The following PARN variants were observed in gnomAD, a reference collection of about 807,000 sequenced individuals.
PARN encodes poly(A)-specific ribonuclease PARN.
Under a neutral mutation model 102.8 loss-of-function variants are expected in PARN, and 71 were observed. The observed-to-expected ratio is 0.69, with a 90% CI of 0.57 to 0.84. The LOEUF is 0.84. Ranked by LOEUF, PARN falls within the 40% of genes least tolerant of loss-of-function variation. The probability of loss-of-function intolerance (pLI) is 0.00; values close to 1 mark genes in which losing one functional copy is unlikely to be tolerated. For synonymous variants in PARN, 261 were observed against 252.9 expected, an observed-to-expected ratio of 1.03 and a Z score of -0.30; for missense variants, 782 against 760.9, an observed-to-expected ratio of 1.03 and a Z score of -0.33.
At chr16:14,629,955 G>A (rs1038728926) in intron 1 of PARN, among the ~76,000 whole-genome samples, 152 bp downstream of exon 1, 1 of 152,246 alleles carries the variant, frequency 6.6e-6, no homozygotes, top group East Asian at 1.9e-4. Context: ...AGCCGGAAAA[G>A]ACCCCAAGAG....
At chr16:14,561,171 A>G (rs535408391) in intron 18 of PARN, among the ~76,000 whole-genome samples, 7 of 152,140 alleles carry the variant, frequency 4.6e-5, no homozygotes, top group Admixed American at 1.3e-4. Context: ...AAAAAAAAAA[A>G]AAAAGAAAAG....
At chr16:14,578,910 G>A (rs1274895195) in intron 18 of PARN, among the ~76,000 whole-genome samples, 2 of 152,050 alleles carry the variant, frequency 1.3e-5, no homozygotes, top group Non-Finnish European at 2.9e-5. Flanking sequence ...TTACTGTCTA[G>A]TTCTTTTCAA....
intron 3 of PARN, among the ~76,000 whole-genome samples, chr16:14,627,961 T>C (rs557416440): frequency 1.3e-5 from 2 of 152,084 alleles, no homozygotes; most frequent in East Asian, 1.9e-4. Context: ...AGAGCAGTGA[T>C]CACGCCACTG....
chr16:14,436,118 C>T lies in PARN; in HGVS notation c.*599G>A, dbSNP rs1210852734. The T allele has an allele frequency of 6.6e-6, 1 of 152,630 alleles. No homozygotes were observed. The highest frequency in any genetic ancestry group is 1.5e-5 in the Non-Finnish European group (1 of 68,392). The allele number at this position is 152,630 out of a possible 1,614,324, so 9.5% of individuals were successfully genotyped here. A position where few individuals can be genotyped will look rare whatever the true frequency, so the allele number is the denominator to read the frequency against. ...GAAAGGAACTCTACATAAATATGCC[C>T]AAAGGCCAGGGCATACGGCAAGCCC... is the stretch of plus-strand genomic sequence containing the variant. On this transcript the variant is annotated 3_prime_UTR_variant, in exon 24 of 24. Transcript: ENST00000437198.
At chr16:14,438,176 G>C (rs745312395) in intron 23 of PARN, among the ~76,000 whole-genome samples, 2 of 152,146 alleles carry the variant, frequency 1.3e-5, no homozygotes, top group Non-Finnish European at 2.9e-5. Flanking sequence ...CCTGCAGCTA[G>C]CCTGGCCTTC....
chr16:14,552,090 T>C lies in PARN; in HGVS notation c.1411A>G (p.Ile471Val), dbSNP rs781398276. 1.9e-6 allele frequency: 3 copies of C among 1,603,632 alleles called. No individual in the cohort carries two copies. Among genetic ancestry groups the C allele is most frequent in the Non-Finnish European group, 2.6e-6 (3 of 1,171,988 alleles). Residue 471 changes from isoleucine to valine, a missense_variant, in exon 21 of 24, where the codon ATT (isoleucine) becomes GTT (valine). Ile to Val is a conservative substitution (Grantham distance 29, BLOSUM62 3). Coordinates refer to ENST00000437198, the MANE Select transcript of PARN (RefSeq NM_002582.4). ...LYQLFSAFGN[I>V]QISWIDDTSA... ...GTGTCATCAATCCAGGATATCTGAA[T>C]GTTACCTGCAATCGCAAATTAAAAG...
intron 22 of PARN, among the ~76,000 whole-genome samples, chr16:14,447,367 C>A (rs1223216891): frequency 6.6e-6 from 1 of 152,138 alleles, no homozygotes; most frequent in Non-Finnish European, 1.5e-5. Flanking sequence ...AAAGTAGCCT[C>A]TATTTTGATA....
chr16:14,576,368 C>T (rs1279401543), intron 18 of PARN: 2 of 152,004 alleles, frequency 1.3e-5, no homozygotes, highest in African/African-American at 4.8e-5. Flanking sequence ...CTGAAGATAG[C>T]CAAAAAAGAG....
chr16:14,601,251 A>G (rs1371108425), intron 11 of PARN, among the ~76,000 whole-genome samples: 1 of 152,140 alleles, frequency 6.6e-6, no homozygotes, highest in Non-Finnish European at 1.5e-5. Flanking sequence ...TGGTCTAGCC[A>G]CACAATGGAA....
At chr16:14,577,736 C>T (rs566762383) in intron 18 of PARN, among the ~76,000 whole-genome samples, 11 of 152,100 alleles carry the variant, frequency 7.2e-5, no homozygotes, top group Admixed American at 2.6e-4. Flanking sequence ...GGCGCAATCT[C>T]GGCTCACTGC....
chr16:14,454,031 T>C (rs1961575996), intron 22 of PARN, among the ~76,000 whole-genome samples: 1 of 152,242 alleles, frequency 6.6e-6, no homozygotes, highest in South Asian at 2.1e-4. Flanking sequence ...CATTTGTATA[T>C]CTTTTTTGAA....
chr16:14,436,826 G>A (rs1960726437), intron 23 of PARN, 54 bp from the exon 24 acceptor site: 2 of 1,316,716 alleles, frequency 1.5e-6, no homozygotes, highest in Non-Finnish European at 2.1e-6. Context: ...GGCACCTTGA[G>A]GAGAGCATGA....
chr16:14,551,908 G>A, intron 21 of PARN, 113 bp downstream of exon 21: 1 of 618,564 alleles, frequency 1.6e-6, no homozygotes, highest in Non-Finnish European at 2.9e-6. Flanking sequence ...AAAAACAAAC[G>A]AGGCAGCAAT....
At chr16:14,578,821 A>G (rs1440191032) in intron 18 of PARN, among the ~76,000 whole-genome samples, 1 of 152,144 alleles carries the variant, frequency 6.6e-6, no homozygotes, top group East Asian at 1.9e-4. Flanking sequence ...CTCCTATTCA[A>G]CTACTCTTGG....
chr16:14,488,763 C>T lies in PARN; in HGVS notation c.1481-5936G>A, dbSNP rs192224014. Among the ~76,000 whole-genome samples the T allele has an allele frequency of 1.7e-3, 253 of 152,166 alleles. 1 individual carries two copies. The highest frequency in any genetic ancestry group is 3.7e-3 in the Admixed American group (56 of 15,290). On this transcript the variant is annotated intron_variant, in intron 21 of 23. Transcript: ENST00000437198. ...AGCAACAGGATCCCCAGTGGTTGTACGACCATTTTGGAAAACAAGTTAGTG... is the reference window on the plus strand; with the variant it reads ...AGCAACAGGATCCCCAGTGGTTGTATGACCATTTTGGAAAACAAGTTAGTG...
At chr16:14,590,234 C>CAAAAAAAA (rs11302769) in intron 13 of PARN, among the ~76,000 whole-genome samples, 5 of 45,960 alleles carry the variant, frequency 1.1e-4, no homozygotes, top group Admixed American at 8.1e-4. Flanking sequence ...GACTCCATCT[C>CAAAAAAAA]AAAAAAAAAA....
intron 1 of PARN, 26 bp downstream of exon 1, chr16:14,630,073 TGGGGAGGC>T: frequency 6.5e-7 from 1 of 1,544,976 alleles, no homozygotes. Flanking sequence ...CAGCCGGGTG[TGGGGAGGC>T]GGGGAGGTGT....
intron 22 of PARN, among the ~76,000 whole-genome samples, chr16:14,476,764 G>A (rs1028566697): frequency 5.9e-5 from 9 of 152,158 alleles, no homozygotes; most frequent in Non-Finnish European, 1.2e-4. Flanking sequence ...CACGTGGGCC[G>A]GATTTGGTTT....
intron 21 of PARN, among the ~76,000 whole-genome samples, chr16:14,510,876 A>G (rs1567334806): frequency 6.6e-6 from 1 of 152,364 alleles, no homozygotes; most frequent in South Asian, 2.1e-4. Context: ...AGGCAAAGGA[A>G]GAAAAGACAT....
Sources: allele counts gnomAD v4.1 joint callset (sites outside exome capture counted in the v4.1 genomes callset), GRCh38; gene constraint gnomAD v4.1.1; transcripts MANE v1.5; gene names NCBI Gene and HGNC (gene_info 2026-07-23, HGNC 2026-07-21).